The following AK9 variants were observed in gnomAD, a reference collection of about 807,000 sequenced individuals.
The protein encoded by AK9 is adenylate kinase 9.
AK9 carries 191 observed loss-of-function variants against 239.6 expected under a neutral mutation model. The ratio of observed to expected loss-of-function variants is 0.80; its 90% CI spans 0.71 to 0.90. The LOEUF (loss-of-function observed/expected upper bound fraction) is 0.90. AK9 is among the 40% of genes least tolerant of loss of function. AK9 has a pLI of 0.00. For missense variants in AK9, 1,995 were observed against 2,214.7 expected (o/e 0.90, Z 1.99); for synonymous variants, 689 against 721.0 (o/e 0.96, Z 0.71).
At chr6:109,665,816 G>A (rs529907859) in intron 5 of AK9, among the ~76,000 whole-genome samples, 2 of 152,260 alleles carry the variant, frequency 1.3e-5, no homozygotes, top group South Asian at 4.1e-4. Flanking sequence ...CCCTATGCTG[G>A]TAATACTTCC....
intron 27 of AK9, among the ~76,000 whole-genome samples, chr6:109,536,483 T>A (rs1281206789): frequency 3.4e-4 from 51 of 152,232 alleles, no homozygotes; most frequent in Admixed American, 3.3e-3. Context: ...AAGTTGCTTA[T>A]CAGCTTAAGG....
intron 28 of AK9, among the ~76,000 whole-genome samples, chr6:109,531,691 G>A (rs557095162): frequency 6.6e-6 from 1 of 152,220 alleles, no homozygotes; most frequent in Non-Finnish European, 1.5e-5. Context: ...GATATTCCAG[G>A]CCCCACAGTG....
In AK9 at chr6:109,583,262, G is replaced by A. The variant is rs528439770; in HGVS notation, c.2114+1861C>T. On this transcript the variant is annotated intron_variant, in intron 19 of 40. Transcript: ENST00000424296. ...GAATCTAAGACCTGAACAGAACAAG[G>A]AAGAATTTTGCTGCCAGTTCTTAGA... 4.7e-4 allele frequency among the ~76,000 whole-genome samples: 71 copies of A among 152,222 alleles called. 1 individual carries two copies. Among genetic ancestry groups the A allele is most frequent in the Admixed American group, 2.0e-3 (31 of 15,274 alleles).
chr6:109,568,644 CAG>C lies in AK9; in HGVS notation c.2345-3801_2345-3800del, dbSNP rs1410541059. ...TTCCTATACACCAATAACAGACAAACAGAGAGCCAAATCATGAGTGAACTCTC... is the reference window on the plus strand; with the variant it reads ...TTCCTATACACCAATAACAGACAAACAGAGCCAAATCATGAGTGAACTCTC... On this transcript the variant is annotated intron_variant, in intron 21 of 40. Coordinates refer to ENST00000424296, the MANE Select transcript of AK9 (RefSeq NM_001145128.3). 9.9e-5 allele frequency among the ~76,000 whole-genome samples: 15 copies of C among 152,150 alleles called. No homozygotes were observed. In the East Asian group the frequency reaches 2.5e-3, roughly 25 times the overall value.
chr6:109,690,697 T>C (rs1365639780), intron 1 of AK9: 1 of 152,192 alleles, frequency 6.6e-6, no homozygotes, highest in East Asian at 1.9e-4. Context: ...TTTTCACAAC[T>C]ATGGAAGAGA....
At chr6:109,510,388 G>C (rs961347924) in intron 32 of AK9, among the ~76,000 whole-genome samples, 2 of 152,012 alleles carry the variant, frequency 1.3e-5, no homozygotes, top group South Asian at 4.1e-4. Context: ...ACGACCAACT[G>C]CAGAGAGGAT....
chr6:109,558,042 G>T (rs1294377964), intron 24 of AK9, among the ~76,000 whole-genome samples: 1 of 152,006 alleles, frequency 6.6e-6, no homozygotes, highest in Non-Finnish European at 1.5e-5. Flanking sequence ...ATTTTAGTTG[G>T]TGAAGTATCT....
At chr6:109,594,960 A>G (rs1334488004) in intron 17 of AK9, among the ~76,000 whole-genome samples, 1 of 152,230 alleles carries the variant, frequency 6.6e-6, no homozygotes, top group Non-Finnish European at 1.5e-5. Flanking sequence ...CAAAGACTTC[A>G]TGACTAAAAC....
At chr6:109,611,981 A>G in intron 16 of AK9, 29 bp downstream of exon 16, 3 of 1,403,276 alleles carry the variant, frequency 2.1e-6, no homozygotes, top group Non-Finnish European at 2.9e-6. Flanking sequence ...ACAATCTAAA[A>G]GAATCAAATT....
intron 29 of AK9, among the ~76,000 whole-genome samples, chr6:109,525,043 A>G (rs1041896507): frequency 6.6e-5 from 10 of 152,190 alleles, no homozygotes. Context: ...ATTTTTGTAT[A>G]TGGTAAAAGA....
chr6:109,531,050 A>AG (rs1373570856), intron 28 of AK9, among the ~76,000 whole-genome samples: 1 of 152,160 alleles, frequency 6.6e-6, no homozygotes, highest in Non-Finnish European at 1.5e-5. Flanking sequence ...TCAAAAGAAA[A>AG]GAAAAGAAAA....
At chr6:109,620,721 C>T (rs1344023381) in intron 12 of AK9, among the ~76,000 whole-genome samples, 1 of 151,786 alleles carries the variant, frequency 6.6e-6, no homozygotes, top group Non-Finnish European at 1.5e-5. Flanking sequence ...TATGTTACAA[C>T]TTACTTAACT....
chr6:109,510,182 G>A (rs536340671), intron 32 of AK9, among the ~76,000 whole-genome samples: 4 of 152,114 alleles, frequency 2.6e-5, no homozygotes, highest in African/African-American at 4.8e-5. Flanking sequence ...GGCCTACCCA[G>A]GGCCACCCAT....
chr6:109,652,671 A>G (rs1320012242), intron 8 of AK9, among the ~76,000 whole-genome samples: 1 of 152,202 alleles, frequency 6.6e-6, no homozygotes, highest in Non-Finnish European at 1.5e-5. Context: ...AGTTTTAAAA[A>G]TTACTTTCTT....
chr6:109,560,711 A>T (rs996296664), intron 24 of AK9, among the ~76,000 whole-genome samples: 4 of 152,154 alleles, frequency 2.6e-5, no homozygotes, highest in Admixed American at 2.0e-4. Flanking sequence ...GAGTGATGTT[A>T]GACTGCAGTT....
chr6:109,587,751 G>A (rs1789701357), intron 17 of AK9, among the ~76,000 whole-genome samples: 1 of 152,180 alleles, frequency 6.6e-6, no homozygotes, highest in African/African-American at 2.4e-5. Context: ...GCTGCAATAA[G>A]CATACTAGTG....
intron 7 of AK9, 87 bp from the exon 8 acceptor site, chr6:109,656,971 T>C: frequency 1.4e-6 from 2 of 1,477,890 alleles, no homozygotes; most frequent in South Asian, 2.5e-5. Flanking sequence ...TACACCTAGA[T>C]ATCATTTTGG....
intron 10 of AK9, among the ~76,000 whole-genome samples, chr6:109,640,007 A>C (rs1295282064): frequency 2.6e-5 from 4 of 152,190 alleles, no homozygotes; most frequent in South Asian, 2.1e-4. Flanking sequence ...CATTGATCTT[A>C]TCTCTGTTTG....
intron 17 of AK9, among the ~76,000 whole-genome samples, chr6:109,587,010 G>A (rs1430271974): frequency 1.3e-5 from 2 of 151,994 alleles, no homozygotes; most frequent in Non-Finnish European, 2.9e-5. Context: ...GTCTTGCTAT[G>A]TTGTCGAGGC....
Sources: allele counts gnomAD v4.1 joint callset (sites outside exome capture counted in the v4.1 genomes callset), GRCh38; gene constraint gnomAD v4.1.1; transcripts MANE v1.5; gene names NCBI Gene and HGNC (gene_info 2026-07-23, HGNC 2026-07-21).